The following EVL variants were observed in gnomAD, a reference collection of about 807,000 sequenced individuals.
EVL encodes the protein ena/VASP-like protein.
EVL carries 21 observed loss-of-function variants against 59.6 expected under a neutral mutation model. The ratio of observed to expected loss-of-function variants is 0.35; its 90% CI spans 0.25 to 0.51. The LOEUF (loss-of-function observed/expected upper bound fraction) is 0.51. Ranked by LOEUF, EVL falls within the 20% of genes least tolerant of loss-of-function variation. The probability of loss-of-function intolerance (pLI) is 0.97; values close to 1 mark genes in which losing one functional copy is unlikely to be tolerated. For missense variants in EVL, 462 were observed against 546.6 expected, an observed-to-expected ratio of 0.85 and a Z score of 1.54; for synonymous variants, 198 against 203.5, an observed-to-expected ratio of 0.97 and a Z score of 0.23.
chr14:100,124,351 C>T (rs765095892), intron 4 of EVL, among the ~76,000 whole-genome samples: 1 of 152,204 alleles, frequency 6.6e-6, no homozygotes, highest in Non-Finnish European at 1.5e-5. Context: ...CCACCTACCC[C>T]TCTCACCAAA....
intron 1 of EVL, among the ~76,000 whole-genome samples, chr14:100,045,306 A>G (rs1489114192): frequency 2.6e-5 from 4 of 152,198 alleles, no homozygotes; most frequent in African/African-American, 9.6e-5. Flanking sequence ...GAGTAATCCA[A>G]GGGCCCTCCT....
chr14:100,097,949 A>G (rs925384955), intron 3 of EVL, among the ~76,000 whole-genome samples: 1 of 152,226 alleles, frequency 6.6e-6, no homozygotes, highest in Non-Finnish European at 1.5e-5. Context: ...CTGTTTCCAT[A>G]TTCCAGAGCA....
chr14:100,019,469 C>G (rs1346270061), intron 1 of EVL: 1 of 539,858 alleles, frequency 1.9e-6, no homozygotes, highest in African/African-American at 2.0e-5. Context: ...CCCCTGTTAG[C>G]TGCCGCTTGT....
In EVL at chr14:100,078,137, G is replaced by A. The variant is rs140197348; in HGVS notation, c.12-6550G>A. ...TGAGAAGAAATTCCACATAGTTCAC[G>A]TTGGTTTTAAAATCTGTTTTGGAGA... On this transcript the variant is annotated intron_variant, in intron 1 of 13. Transcript: ENST00000392920. 6.3e-3 allele frequency among the ~76,000 whole-genome samples: 952 copies of A among 152,288 alleles called. 26 individuals carry two copies. Among genetic ancestry groups the A allele is most frequent in the Admixed American group, 0.051 (785 of 15,294 alleles).
chr14:99,976,180 T>TTTTA (rs141612796), intron 1 of EVL, among the ~76,000 whole-genome samples: 5,969 of 145,762 alleles, frequency 0.041, 141 homozygotes, highest in East Asian at 0.092. Flanking sequence ...CATGGCCAGC[T>TTTTA]TTTATTTATT....
chr14:100,122,390 C>G (rs1887758159), intron 3 of EVL, among the ~76,000 whole-genome samples: 1 of 152,196 alleles, frequency 6.6e-6, no homozygotes, highest in African/African-American at 2.4e-5. Flanking sequence ...TGGGAGCCTT[C>G]TTATAGGGCT....
chr14:100,013,016 C>G (rs993163362), intron 1 of EVL, among the ~76,000 whole-genome samples: 3 of 152,196 alleles, frequency 2.0e-5, no homozygotes, highest in African/African-American at 7.2e-5. Flanking sequence ...GCTGTTATTA[C>G]TTAGATTGTG....
At chr14:99,996,657 C>T (rs1188775622) in intron 1 of EVL, among the ~76,000 whole-genome samples, 2 of 152,052 alleles carry the variant, frequency 1.3e-5, no homozygotes, top group Non-Finnish European at 2.9e-5. Flanking sequence ...TTCCCCCTTC[C>T]CCCTTTTTTT....
At chr14:100,133,281 G>C (rs1316517841) in intron 8 of EVL, among the ~76,000 whole-genome samples, 1 of 152,240 alleles carries the variant, frequency 6.6e-6, no homozygotes, top group East Asian at 1.9e-4. Context: ...CCCAGAGCCA[G>C]CCTGGCTGCC....
At chr14:100,111,550 A>T (rs1242903219) in intron 3 of EVL, among the ~76,000 whole-genome samples, 1 of 152,172 alleles carries the variant, frequency 6.6e-6, no homozygotes, top group Non-Finnish European at 1.5e-5. Context: ...ATTTGTAAGC[A>T]TATGGCACAG....
chr14:100,080,198 C>T (rs1322495954), intron 1 of EVL, among the ~76,000 whole-genome samples: 3 of 152,176 alleles, frequency 2.0e-5, no homozygotes, highest in South Asian at 4.1e-4. Context: ...ACATAAAATA[C>T]ACTAACATTA....
At position 100,130,182 on chromosome 14, in the gene EVL, G is replaced by A. The variant is rs759959734; in HGVS notation, c.839+498G>A. Among the ~76,000 whole-genome samples the A allele has an allele frequency of 6.6e-6, 1 of 152,216 alleles. No individual in the cohort carries two copies. The highest frequency in any genetic ancestry group is 2.4e-5 in the African/African-American group (1 of 41,448). On this transcript the variant is annotated intron_variant, in intron 7 of 13. Coordinates refer to ENST00000392920, the MANE Select transcript of EVL (RefSeq NM_016337.3). This position sits in a 1 kb window ranked among gnomAD's most constrained non-coding sequence, Gnocchi z 4.8. ...GGCATTGCCCTGAGCGACGGAGAGAGAGTAGTTCCATCTACATCCCGGCCG... is the reference window on the plus strand; with the variant it reads ...GGCATTGCCCTGAGCGACGGAGAGAAAGTAGTTCCATCTACATCCCGGCCG...
chr14:100,006,243 T>C lies in EVL; in HGVS notation c.5+34186T>C, dbSNP rs1392789408. Among the ~76,000 whole-genome samples, 4 of 150,138 alleles carry C rather than the reference T, an allele frequency of 2.7e-5. No individual in the cohort carries two copies. The East Asian group carries it at 7.8e-4, about 29-fold the overall frequency. ...CACAACTTATACAATTACTGAATGC[T>C]TTAATGGTAAGGAGCAAATAAAACC... On this transcript the variant is annotated intron_variant, in intron 1 of 13. Transcript: ENST00000402714.
chr14:99,985,724 G>A lies in EVL; in HGVS notation c.5+13667G>A, dbSNP rs1054552757. ...GGAGGTTGCGGTGAGCCAAGATTGC[G>A]CCATTGCACTCTGGCCTGGGCAACA... On this transcript the variant is annotated intron_variant, in intron 1 of 13. Transcript: ENST00000402714. Among the ~76,000 whole-genome samples the A allele has an allele frequency of 4.0e-5, 6 of 150,676 alleles. No individual in the cohort carries two copies. In the South Asian group the frequency reaches 8.4e-4, roughly 21 times the overall value.
At chr14:100,000,890 T>G (rs2060942248) in intron 1 of EVL, among the ~76,000 whole-genome samples, 1 of 152,138 alleles carries the variant, frequency 6.6e-6, no homozygotes, top group South Asian at 2.1e-4. Context: ...AGAAAATGAG[T>G]CTCTGGTCTC....
chr14:100,081,684 G>A (rs557158491), intron 1 of EVL, among the ~76,000 whole-genome samples: 4 of 152,234 alleles, frequency 2.6e-5, no homozygotes, highest in African/African-American at 7.2e-5. Flanking sequence ...TAGTGCTAGC[G>A]GTTCTCTACG....
chr14:100,066,196 T>G (rs1008046997), intron 1 of EVL, among the ~76,000 whole-genome samples: 6 of 152,260 alleles, frequency 3.9e-5, no homozygotes, highest in African/African-American at 1.4e-4. Context: ...TTTGATTGAC[T>G]CATGACAGCT....
At chr14:100,083,713 C>T (rs1236561435) in intron 1 of EVL, among the ~76,000 whole-genome samples, 2 of 152,188 alleles carry the variant, frequency 1.3e-5, no homozygotes, top group African/African-American at 4.8e-5. Flanking sequence ...ATGGTGCAGC[C>T]ATCTATTTAT....
rs544316503 is a variant in EVL at position 100,090,604 on chromosome 14, T to G, written c.180+5749T>G. On this transcript the variant is annotated intron_variant, in intron 2 of 13. Coordinates refer to ENST00000392920, the MANE Select transcript of EVL (RefSeq NM_016337.3). ...CTAATAATGTATTAAAAAGAAAATT[T>G]TGAAAAATAAGATTTATTCCAGGAA... Among the ~76,000 whole-genome samples, 3 of 152,294 alleles carry G rather than the reference T, an allele frequency of 2.0e-5. No individual in the cohort carries two copies. In the East Asian group the frequency reaches 5.8e-4, roughly 29 times the overall value.
Sources: allele counts gnomAD v4.1 joint callset (sites outside exome capture counted in the v4.1 genomes callset), GRCh38; gene constraint gnomAD v4.1.1; non-coding constraint Gnocchi (gnomAD v3.1); transcripts MANE v1.5; gene names NCBI Gene and HGNC (gene_info 2026-07-23, HGNC 2026-07-21).